The following MATCAP2 variants were observed in gnomAD, a reference collection of about 807,000 sequenced individuals.
MATCAP2 encodes microtubule associated tyrosine carboxypeptidase 2, also known as putative tyrosine carboxypeptidase MATCAP2.
the MATCAP2 span, among the ~76,000 whole-genome samples, chr7:36,329,059 T>A: frequency 0.11 from 17,412 of 152,016 alleles, 1,057 homozygotes; most frequent in East Asian, 0.19. Context: ...AATAAATAAA[T>A]AAATAAAATT....
At chr7:36,389,821 G>A in the MATCAP2 span, 2 of 947,546 alleles carry the variant, frequency 2.1e-6, no homozygotes, top group Non-Finnish European at 3.1e-6. Flanking sequence ...GCATGCTCGC[G>A]GCTCGGCGCT....
At chr7:36,384,065 TG>T in the MATCAP2 span, 21 of 331,700 alleles carry the variant, frequency 6.3e-5, no homozygotes, top group Non-Finnish European at 1.1e-4. Flanking sequence ...CAAATGTGTG[TG>T]ACTGTATTTT....
chr7:36,328,236 T>G, the MATCAP2 span, among the ~76,000 whole-genome samples: 1 of 13,182 alleles, frequency 7.6e-5, no homozygotes, highest in Non-Finnish European at 5.4e-4. Flanking sequence ...GTTTTTGTTT[T>G]TGTAGGGGGG....
At chr7:36,359,833 G>A in the MATCAP2 span, among the ~76,000 whole-genome samples, 2 of 152,190 alleles carry the variant, frequency 1.3e-5, no homozygotes, top group African/African-American at 4.8e-5. Context: ...GACACAGGCT[G>A]TAGCCCAAAT....
the MATCAP2 span, among the ~76,000 whole-genome samples, chr7:36,351,577 A>G: frequency 0.41 from 61,987 of 151,902 alleles, 13,126 homozygotes; most frequent in African/African-American, 0.49. Flanking sequence ...TATTTTAAAT[A>G]TATCTGAGGT....
chr7:36,379,698 C>T, the MATCAP2 span, among the ~76,000 whole-genome samples: 1 of 151,788 alleles, frequency 6.6e-6, no homozygotes. Context: ...ATTGTGGGAA[C>T]ATCATGGAAT....
the MATCAP2 span, among the ~76,000 whole-genome samples, chr7:36,338,216 A>G: frequency 6.6e-6 from 1 of 152,186 alleles, no homozygotes; most frequent in Admixed American, 6.5e-5. Context: ...AATCTCTATA[A>G]CATAACCTGA....
At chr7:36,326,837 C>G in the MATCAP2 span, 1 of 1,614,006 alleles carries the variant, frequency 6.2e-7, no homozygotes, top group Non-Finnish European at 8.5e-7. Context: ...ATATATCGGC[C>G]ATGGTCCTGC....
the MATCAP2 span, chr7:36,357,264 T>A: frequency 1.9e-6 from 3 of 1,614,138 alleles, no homozygotes; most frequent in Middle Eastern, 1.6e-4. Context: ...GCAGGCCGCC[T>A]CTCCAGGCAG....
At chr7:36,364,800 A>G in the MATCAP2 span, among the ~76,000 whole-genome samples, 4 of 152,336 alleles carry the variant, frequency 2.6e-5, no homozygotes, top group African/African-American at 9.6e-5. Flanking sequence ...TGCTGGGCAC[A>G]GGGCTCTAGA....
At chr7:36,388,371 C>G in the MATCAP2 span, among the ~76,000 whole-genome samples, 1 of 151,700 alleles carries the variant, frequency 6.6e-6, no homozygotes, top group African/African-American at 2.4e-5. Flanking sequence ...GCAATATTTC[C>G]CTTACCTCTT....
chr7:36,374,254 T>C, the MATCAP2 span, among the ~76,000 whole-genome samples: 1 of 151,814 alleles, frequency 6.6e-6, no homozygotes, highest in Admixed American at 6.6e-5. Flanking sequence ...AACTTTTTTT[T>C]TTTTTTGTAG....
At chr7:36,349,818 G>T in the MATCAP2 span, among the ~76,000 whole-genome samples, 3 of 152,284 alleles carry the variant, frequency 2.0e-5, no homozygotes, top group South Asian at 6.2e-4. Flanking sequence ...GCCTTTCAAT[G>T]AGTCATCAAG....
chr7:36,382,693 C>T, the MATCAP2 span, among the ~76,000 whole-genome samples: 2 of 152,156 alleles, frequency 1.3e-5, no homozygotes, highest in Admixed American at 1.3e-4. Flanking sequence ...CAGGGTTTCA[C>T]CGTGTTAGCC....
chr7:36,375,753 C>T, the MATCAP2 span, among the ~76,000 whole-genome samples: 3 of 152,104 alleles, frequency 2.0e-5, no homozygotes, highest in African/African-American at 7.2e-5. Flanking sequence ...TTAATTATTG[C>T]CTTAATTTCA....
the MATCAP2 span, chr7:36,356,529 A>T: frequency 2.9e-6 from 1 of 347,140 alleles, no homozygotes; most frequent in South Asian, 4.4e-5. Flanking sequence ...AAAACAAAAA[A>T]CAACAAAGAA....
At chr7:36,326,424 T>G in the MATCAP2 span, 1 of 164,012 alleles carries the variant, frequency 6.1e-6, no homozygotes. Context: ...GACCTCCATA[T>G]TTAGGCAGAA....
the MATCAP2 span, chr7:36,357,336 G>A: frequency 1.7e-5 from 28 of 1,614,036 alleles, no homozygotes; most frequent in Non-Finnish European, 1.8e-5. Flanking sequence ...TCTTTGCTAC[G>A]AGAAGTGTTA....
chr7:36,379,843 C>CAGAGAGAGAGAGAGAG, the MATCAP2 span, among the ~76,000 whole-genome samples: 34 of 127,464 alleles, frequency 2.7e-4, 1 homozygote, highest in Middle Eastern at 4.1e-3. Context: ...CACACACACA[C>CAGAGAGAGAGAGAGAG]ACACAGAGAG....
Sources: gnomAD v4.1 joint callset for allele counts (sites outside exome capture counted in the v4.1 genomes callset) on GRCh38, gnomAD v4.1.1 for gene constraint, MANE v1.5 for transcripts, NCBI Gene and HGNC (gene_info 2026-07-23, HGNC 2026-07-21) for gene names.